The following LCP2 variants were observed in gnomAD, a reference collection of about 807,000 sequenced individuals.
The protein encoded by LCP2 is 76 kDa tyrosine phosphoprotein.
In LCP2, 29 loss-of-function variants were observed where a neutral mutation model predicts 74.5. The ratio of observed to expected loss-of-function variants is 0.39; its 90% CI spans 0.29 to 0.53. The LOEUF (loss-of-function observed/expected upper bound fraction) is 0.53, where lower values mean the gene tolerates loss of function less well. LCP2 is among the 20% of genes least tolerant of loss of function. The pLI, the probability that LCP2 is intolerant of heterozygous loss-of-function variation, is 0.72. For synonymous variants in LCP2, 228 were observed against 229.5 expected (o/e 0.99, Z 0.06); for missense variants, 604 against 634.6 (o/e 0.95, Z 0.52).
intron 18 of LCP2, 143 bp from the exon 19 acceptor site, chr5:170,252,654 A>G: frequency 1.7e-6 from 1 of 581,292 alleles, no homozygotes; most frequent in South Asian, 2.1e-5. Flanking sequence ...ATTTGCATTC[A>G]GAGTCATTTA....
chr5:170,268,838 C>T (rs1561971203), intron 7 of LCP2, among the ~76,000 whole-genome samples: 1 of 60,442 alleles, frequency 1.7e-5, no homozygotes, highest in Non-Finnish European at 3.2e-5. Flanking sequence ...CATACGCATA[C>T]CTCTGTATGC....
intron 1 of LCP2, among the ~76,000 whole-genome samples, chr5:170,295,209 T>C (rs913814822): frequency 9.2e-5 from 14 of 152,156 alleles, no homozygotes; most frequent in Admixed American, 6.5e-4. Context: ...ATTGAACAAA[T>C]ATGTAACATG....
chr5:170,274,261 A>T, intron 6 of LCP2, 40 bp downstream of exon 6: 1 of 1,606,594 alleles, frequency 6.2e-7, no homozygotes, highest in Non-Finnish European at 8.5e-7. Context: ...TGCCCTGGAC[A>T]CTGCTGTAAA....
Position 170,285,044 on chromosome 5 carries a change from C to T in LCP2, c.188+2926G>A, listed in dbSNP as rs547327177. Among the ~76,000 whole-genome samples, 248 of 152,320 alleles carry T rather than the reference C, an allele frequency of 1.6e-3. 2 individuals carry two copies. The highest frequency in any genetic ancestry group is 5.7e-3 in the African/African-American group (239 of 41,574). On this transcript the variant is annotated intron_variant, in intron 3 of 20. Coordinates refer to ENST00000046794, the MANE Select transcript of LCP2 (RefSeq NM_005565.5). ...GGGATTACAGGCGTGAGCCACTGTGCCCGGCCCCTTGATGCTCTTTTCAGT... is the reference window on the plus strand; with the variant it reads ...GGGATTACAGGCGTGAGCCACTGTGTCCGGCCCCTTGATGCTCTTTTCAGT...
chr5:170,287,880 A>G, intron 3 of LCP2, 90 bp downstream of exon 3: 3 of 1,188,002 alleles, frequency 2.5e-6, no homozygotes, highest in East Asian at 2.3e-5. Context: ...CAAGCCGACA[A>G]TGACATAGAA....
At chr5:170,281,515 T>C (rs542543459) in intron 3 of LCP2, among the ~76,000 whole-genome samples, 24 of 152,280 alleles carry the variant, frequency 1.6e-4, no homozygotes, top group South Asian at 6.2e-4. Context: ...CTCCTGACCT[T>C]GTGATCCGCC....
chr5:170,288,608 C>T (rs1762225054), intron 2 of LCP2, among the ~76,000 whole-genome samples: 1 of 152,160 alleles, frequency 6.6e-6, no homozygotes, highest in Non-Finnish European at 1.5e-5. Flanking sequence ...TAACTCTGGG[C>T]CTCCACCTCT....
rs1399827902 is a variant in LCP2, at chr5:170,262,699, G to A, written c.862C>T (p.Pro288Ser). Residue 288 changes from proline (P) to serine (S), a missense_variant, in exon 13 of 21, where the codon CCA becomes TCA. Physicochemically the swap from Pro to Ser is moderately conservative, Grantham distance 74. Coordinates refer to ENST00000046794, the MANE Select transcript of LCP2 (RefSeq NM_005565.5). ...CTTTCATGTCTTTCCGTGGTCGGTGGTAAAGGAGGCTTTTGAATCTTGGGT... is the reference window on the plus strand; with the variant it reads ...CTTTCATGTCTTTCCGTGGTCGGTGATAAAGGAGGCTTTTGAATCTTGGGT... ...HLPKIQKPPL[P>S]PTTERHERSS... 20 of 1,614,024 alleles carry A rather than the reference G, an allele frequency of 1.2e-5. No individual in the cohort carries two copies. The highest frequency in any genetic ancestry group is 1.7e-5 in the Non-Finnish European group (20 of 1,179,884).
intron 14 of LCP2, among the ~76,000 whole-genome samples, chr5:170,260,736 T>C (rs181327138): frequency 5.6e-4 from 86 of 152,332 alleles, no homozygotes; most frequent in Middle Eastern, 3.4e-3. Flanking sequence ...TTTCAGGTTG[T>C]GGAAGTATTG....
chr5:170,282,826 CTCAA>C lies in LCP2; in HGVS notation c.188+5140_188+5143del, dbSNP rs1762126915. ...CAGCCTGTGAATGGAAGGATTGGGT[CTCAA>C]GCATCTGACCTCAGAGCCTGCGCTT... On this transcript the variant is annotated intron_variant, in intron 3 of 20. Transcript: ENST00000046794. Among the ~76,000 whole-genome samples the C allele has an allele frequency of 7.2e-5, 11 of 152,350 alleles. No individual in the cohort carries two copies. The South Asian group carries it at 2.3e-3, about 32-fold the overall frequency.
In LCP2 at chr5:170,263,003, C is replaced by CA; in HGVS notation, c.773-12dup. The CA allele has an allele frequency of 6.2e-7, 1 of 1,613,676 alleles. No individual in the cohort carries two copies. Among genetic ancestry groups the CA allele is most frequent in the South Asian group, 1.1e-5 (1 of 91,012 alleles). ...ATGGTGGTTTCTTTCCTGTAAATGA[C>CA]AGAGAGCAGATGGGCCATGAGTTCA... On this transcript the variant is annotated splice_polypyrimidine_tract_variant and intron_variant, in intron 10 of 20. Transcript: ENST00000046794.
intron 7 of LCP2, 31 bp downstream of exon 7, chr5:170,270,688 C>T (rs535999005): frequency 1.9e-5 from 29 of 1,531,032 alleles, no homozygotes; most frequent in Middle Eastern, 2.3e-4. Flanking sequence ...TTGGGCTGCT[C>T]GGGCCAGAAA....
rs191792713 is a variant in LCP2, at chr5:170,263,407, G to A, written c.773-415C>T. Among the ~76,000 whole-genome samples, 1,115 of 152,226 alleles carry A rather than the reference G, an allele frequency of 7.3e-3. 8 individuals are homozygous for A. Among genetic ancestry groups the A allele is most frequent in the South Asian group, 0.027 (128 of 4,822 alleles). On this transcript the variant is annotated intron_variant, in intron 10 of 20. Coordinates refer to ENST00000046794, the MANE Select transcript of LCP2 (RefSeq NM_005565.5). ...TATCTGAAATAAATCCACTTGCCAC[G>A]GAGAGGGTAACTTTTATCCAATTCT...
chr5:170,258,949 T>A, intron 14 of LCP2, 71 bp from the exon 15 acceptor site: 1 of 1,037,956 alleles, frequency 9.6e-7, no homozygotes, highest in Non-Finnish European at 1.4e-6. Context: ...AAAACTGCAT[T>A]TCTCAATCAA....
chr5:170,288,341 CGTT>C (rs1424828505), intron 2 of LCP2, among the ~76,000 whole-genome samples: 1 of 152,200 alleles, frequency 6.6e-6, no homozygotes, highest in Non-Finnish European at 1.5e-5. Context: ...CCAAACGACT[CGTT>C]GTGTGGGCTG....
intron 3 of LCP2, among the ~76,000 whole-genome samples, chr5:170,278,330 G>A: frequency 1.2e-5 from 1 of 86,152 alleles, no homozygotes; most frequent in African/African-American, 5.0e-5. Flanking sequence ...GCTGGGGAGG[G>A]GGATGGGAGT....
intron 10 of LCP2, 38 bp downstream of exon 10, chr5:170,266,770 A>G: frequency 6.5e-7 from 1 of 1,541,676 alleles, no homozygotes; most frequent in Non-Finnish European, 9.0e-7. Flanking sequence ...ATAACAGCTT[A>G]TCATTATTAC....
chr5:170,259,696 G>C (rs557806748), intron 14 of LCP2, among the ~76,000 whole-genome samples: 4 of 152,096 alleles, frequency 2.6e-5, no homozygotes, highest in Non-Finnish European at 5.9e-5. Context: ...TTTAATAAAA[G>C]TTTGCCATCA....
intron 7 of LCP2, 100 bp from the exon 8 acceptor site, chr5:170,268,582 TC>T: frequency 6.0e-6 from 1 of 165,658 alleles, no homozygotes. Context: ...GGGTGCATGA[TC>T]CTTGACCCCC....
Sources: allele counts gnomAD v4.1 joint callset (sites outside exome capture counted in the v4.1 genomes callset), GRCh38; gene constraint gnomAD v4.1.1; transcripts MANE v1.5; gene names NCBI Gene and HGNC (gene_info 2026-07-23, HGNC 2026-07-21).